The following NPRL3 variants were observed in gnomAD, a reference collection of about 807,000 sequenced individuals.
NPRL3 encodes GATOR1 complex protein NPRL3.
NPRL3 carries 23 observed loss-of-function variants against 57.2 expected under a neutral mutation model. That is an observed-to-expected ratio of 0.40 (90% CI 0.29 to 0.57). NPRL3 has a LOEUF of 0.57. NPRL3 is among the 20% of genes least tolerant of loss of function. The probability of loss-of-function intolerance (pLI) is 0.42; values close to 1 mark genes in which losing one functional copy is unlikely to be tolerated. For missense variants in NPRL3, 691 were observed against 767.1 expected (o/e 0.90, Z 1.17); for synonymous variants, 333 against 321.1 (o/e 1.04, Z -0.39).
At chr16:112,451 CA>C (rs1324846010) in intron 6 of NPRL3, among the ~76,000 whole-genome samples, 170 bp downstream of exon 6, 3 of 152,318 alleles carry the variant, frequency 2.0e-5, no homozygotes, top group Admixed American at 6.5e-5. Flanking sequence ...CACAGCTCAC[CA>C]AAAGCCGATG....
At chr16:119,041 C>T in intron 4 of NPRL3, 85 bp downstream of exon 4, 1 of 1,571,818 alleles carries the variant, frequency 6.4e-7, no homozygotes, top group Non-Finnish European at 8.6e-7. Flanking sequence ...CAAGGAGAGC[C>T]ACACCTGCCC....
In NPRL3 at chr16:100,373, G is replaced by T. The variant is rs779688768; in HGVS notation, c.766C>A (p.Arg256Ser). ...GAGCACGTGGGGCTGGGCACTTACC[G>T]GATGGCTTTCAGGCTCCGTTCGATG... ...EAIERSLKAI[R>S]PYHALLLLSD... Residue 256 changes from arginine to serine, a missense_variant and splice_region_variant, in exon 8 of 14, where the codon CGC becomes AGC. Transcript: ENST00000611875. The T allele has an allele frequency of 1.3e-6, 2 of 1,534,130 alleles. No individual in the cohort carries two copies. Among genetic ancestry groups the T allele is most frequent in the Non-Finnish European group, 8.8e-7 (1 of 1,139,464 alleles).
intron 5 of NPRL3, among the ~76,000 whole-genome samples, chr16:115,323 G>C (rs1365507840): frequency 6.6e-6 from 1 of 151,978 alleles, no homozygotes; most frequent in Non-Finnish European, 1.5e-5. Flanking sequence ...AATGACAAAA[G>C]TGTATATTTT....
intron 9 of NPRL3, among the ~76,000 whole-genome samples, chr16:95,276 A>G (rs900105738): frequency 6.6e-6 from 1 of 151,126 alleles, no homozygotes; most frequent in Non-Finnish European, 1.5e-5. Context: ...CACAACGAAT[A>G]TACAGCACGA....
chr16:110,772 ACTC>A (rs1377945966), intron 6 of NPRL3, among the ~76,000 whole-genome samples, 166 bp from the exon 7 acceptor site: 2 of 151,950 alleles, frequency 1.3e-5, no homozygotes, highest in Non-Finnish European at 2.9e-5. Flanking sequence ...CTGGTCTCGA[ACTC>A]CTGTCCTCAA....
intron 7 of NPRL3, among the ~76,000 whole-genome samples, chr16:100,796 C>T (rs530698065): frequency 5.4e-5 from 8 of 147,726 alleles, no homozygotes; most frequent in Admixed American, 2.7e-4. Flanking sequence ...CACGGTGAAA[C>T]CCCGTCTCTA....
intron 2 of NPRL3, among the ~76,000 whole-genome samples, chr16:135,035 A>T (rs1166605311): frequency 1.3e-5 from 2 of 152,200 alleles, no homozygotes; most frequent in Non-Finnish European, 2.9e-5. Flanking sequence ...CTACACATAG[A>T]TCATTGGAGG....
intron 3 of NPRL3, among the ~76,000 whole-genome samples, chr16:123,893 G>A (rs1174535919): frequency 1.2e-4 from 10 of 81,368 alleles, no homozygotes; most frequent in East Asian, 3.9e-4. Context: ...GAGAAACAGG[G>A]TCACACACTC....
At chr16:104,032 T>C (rs1899423740) in intron 7 of NPRL3, among the ~76,000 whole-genome samples, 1 of 151,736 alleles carries the variant, frequency 6.6e-6, no homozygotes, top group African/African-American at 2.4e-5. Flanking sequence ...GAAAATCACT[T>C]GAACCTGGGA....
At chr16:87,964 G>A (rs1234985457) in intron 13 of NPRL3, among the ~76,000 whole-genome samples, 4 of 151,876 alleles carry the variant, frequency 2.6e-5, no homozygotes, top group Admixed American at 2.6e-4. Flanking sequence ...AGGCTAGGAT[G>A]CAGGTGAGAC....
intron 7 of NPRL3, among the ~76,000 whole-genome samples, chr16:107,265 C>A (rs912406446): frequency 6.6e-6 from 1 of 152,190 alleles, no homozygotes. Context: ...GCAGATCACA[C>A]AACAGGCAGT....
chr16:91,865 T>C (rs1434480024), intron 11 of NPRL3, among the ~76,000 whole-genome samples: 1 of 152,236 alleles, frequency 6.6e-6, no homozygotes, highest in Non-Finnish European at 1.5e-5. Flanking sequence ...TCTGAGTCTC[T>C]GCCCAGAACT....
chr16:105,437 T>G (rs1402973346), intron 7 of NPRL3, among the ~76,000 whole-genome samples: 2 of 152,170 alleles, frequency 1.3e-5, no homozygotes, highest in East Asian at 3.8e-4. Flanking sequence ...CTATGTGGGT[T>G]CCAAACAGCC....
At chr16:130,458 T>TG in intron 3 of NPRL3, 64 bp downstream of exon 3, 1 of 1,464,040 alleles carries the variant, frequency 6.8e-7, no homozygotes, top group Non-Finnish European at 9.3e-7. Flanking sequence ...AATAGGAGGG[T>TG]GGGGCTTTGC....
chr16:119,378 C>A, intron 3 of NPRL3, 123 bp from the exon 4 acceptor site: 2 of 942,352 alleles, frequency 2.1e-6, no homozygotes, highest in Non-Finnish European at 1.6e-6. Flanking sequence ...TCTGCCCCGA[C>A]TGCTGGTGGA....
chr16:100,970 C>CAAAAAAAAAAAAA (rs59640237), intron 7 of NPRL3, among the ~76,000 whole-genome samples: 576 of 36,076 alleles, frequency 0.016, 98 homozygotes, highest in Non-Finnish European at 0.019. Context: ...GACTCTGTCT[C>CAAAAAAAAAAAAA]AAAAAAAAAA....
chr16:94,603 A>C (rs1345435131), intron 9 of NPRL3, among the ~76,000 whole-genome samples: 3 of 152,166 alleles, frequency 2.0e-5, no homozygotes, highest in Admixed American at 1.3e-4. Flanking sequence ...TTTTTATTTA[A>C]TTAGCCAGGC....
Position 86,258 on chromosome 16 carries a change from T to C in NPRL3, c.*447A>G, listed in dbSNP as rs561522761. 7.7e-4 allele frequency: 143 copies of C among 184,950 alleles called. No individual in the cohort carries two copies. Among genetic ancestry groups the C allele is most frequent in the African/African-American group, 3.2e-3 (137 of 42,778 alleles). 11.5% of individuals were successfully genotyped at this position (184,950 alleles called of 1,614,324 possible). A position where few individuals can be genotyped will look rare whatever the true frequency, so the allele number is the denominator to read the frequency against. On this transcript the variant is annotated 3_prime_UTR_variant, in exon 14 of 14. Coordinates refer to ENST00000611875, the MANE Select transcript of NPRL3 (RefSeq NM_001077350.3). ...AGGGGGCCACAGGGCACTTCACAAA[T>C]AGAAGGCTGTCAGAGAGACAGGGAC...
At position 130,586 on chromosome 16, in the gene NPRL3, G is replaced by A; in HGVS notation, c.124C>T (p.Pro42Ser). ...QEHPASQTSK[P>S]RSRYAASNTG... The stretch of plus-strand genomic sequence containing the variant: ...TTGCTGGCAGCGTATCTGCTACGCG[G>A]CTTACCTGAGTCGGGGCGAAAAGAG... Residue 42 changes from proline (P) to serine (S), a missense_variant, in exon 3 of 14, where the codon CCG (proline) becomes TCG (serine). Physicochemically the swap from Pro to Ser is moderately conservative, Grantham distance 74. Coordinates refer to ENST00000611875, the MANE Select transcript of NPRL3 (RefSeq NM_001077350.3). The A allele has an allele frequency of 6.4e-7, 1 of 1,554,042 alleles. No homozygotes were observed. Among genetic ancestry groups the A allele is most frequent in the African/African-American group, 1.4e-5 (1 of 73,344 alleles).
Sources: gnomAD v4.1 joint callset for allele counts (sites outside exome capture counted in the v4.1 genomes callset) on GRCh38, gnomAD v4.1.1 for gene constraint, MANE v1.5 for transcripts, NCBI Gene and HGNC (gene_info 2026-07-23, HGNC 2026-07-21) for gene names.